The following ATP9B variants were observed in gnomAD, a reference collection of about 807,000 sequenced individuals.
ATP9B encodes probable phospholipid-transporting ATPase IIB.
A neutral mutation model predicts 146.1 loss-of-function variants in ATP9B; 110 were observed. The ratio of observed to expected loss-of-function variants is 0.75; its 90% CI spans 0.65 to 0.88. The LOEUF is 0.88. Among genes scored for constraint, ATP9B ranks in the 40% least tolerant of loss-of-function variants. The pLI is 0.00. For synonymous variants in ATP9B, 604 were observed against 569.7 expected (o/e 1.06, Z -0.86); for missense variants, 1,499 against 1,496.4 (o/e 1.00, Z -0.03).
chr18:79,149,112 A>G (rs1455904381), intron 6 of ATP9B, among the ~76,000 whole-genome samples: 1 of 152,240 alleles, frequency 6.6e-6, no homozygotes, highest in African/African-American at 2.4e-5. Context: ...ACTTAATACC[A>G]TTCCTATCAA....
chr18:79,305,054 A>G (rs2096613242), intron 14 of ATP9B, among the ~76,000 whole-genome samples: 1 of 152,114 alleles, frequency 6.6e-6, no homozygotes, highest in Non-Finnish European at 1.5e-5. Context: ...AAAAGTGTAC[A>G]CAGCCCACCC....
Position 79,232,189 on chromosome 18 carries a change from A to G in ATP9B, c.1107+18151A>G, listed in dbSNP as rs117660988. 4.4e-4 allele frequency among the ~76,000 whole-genome samples: 67 copies of G among 152,248 alleles called. No homozygotes were observed. In the East Asian group the frequency reaches 0.012, roughly 28 times the overall value. ...CCCCCTCTAGTCTTCCTGTCTCACT[A>G]ATGGCATGGGATATCATGGGGGGAG... On this transcript the variant is annotated intron_variant, in intron 11 of 29. Coordinates refer to ENST00000426216, the MANE Select transcript of ATP9B (RefSeq NM_198531.5).
chr18:79,071,413 T>TTTTTTTTTTTTTTTG (rs2071793777), intron 1 of ATP9B, among the ~76,000 whole-genome samples: 2 of 142,968 alleles, frequency 1.4e-5, no homozygotes, highest in Admixed American at 7.2e-5. Context: ...TTTTTTTTTT[T>TTTTTTTTTTTTTTTG]GAGACAGGGT....
chr18:79,165,297 C>T (rs1477545772), intron 7 of ATP9B, among the ~76,000 whole-genome samples: 1 of 152,230 alleles, frequency 6.6e-6, no homozygotes, highest in East Asian at 1.9e-4. Flanking sequence ...CCAGAGCAGG[C>T]ATTCTCACCT....
intron 8 of ATP9B, among the ~76,000 whole-genome samples, chr18:79,192,098 G>C (rs1444502537): frequency 6.6e-6 from 1 of 152,130 alleles, no homozygotes; most frequent in Non-Finnish European, 1.5e-5. Flanking sequence ...TTAGGTGTCA[G>C]AATGAGATCA....
At chr18:79,172,578 C>CGCCG (rs1410743962) in intron 7 of ATP9B, among the ~76,000 whole-genome samples, 1 of 137,978 alleles carries the variant, frequency 7.2e-6, no homozygotes, top group African/African-American at 2.7e-5. Context: ...AGCCACCGTG[C>CGCCG]GCCGACCTTG....
chr18:79,140,616 A>G lies in ATP9B; in HGVS notation c.668-3186A>G, dbSNP rs573951001. Among the ~76,000 whole-genome samples, 11 of 152,040 alleles carry G rather than the reference A, an allele frequency of 7.2e-5. No homozygotes were observed. In the South Asian group the frequency reaches 2.3e-3, roughly 32 times the overall value. On this transcript the variant is annotated intron_variant, in intron 5 of 29. Transcript: ENST00000426216. ...ATGGCAAAACCCTGTCTCTACTAAA[A>G]ATACAAAAAAAAAAATTAGCCGGGC...
intron 25 of ATP9B, chr18:79,353,429 C>A (rs1172157462): frequency 6.6e-6 from 1 of 152,330 alleles, no homozygotes; most frequent in African/African-American, 2.4e-5. Flanking sequence ...CACCAACGGC[C>A]ATCCACCAGG....
chr18:79,207,469 A>T (rs1393681775), intron 10 of ATP9B, among the ~76,000 whole-genome samples: 1 of 152,216 alleles, frequency 6.6e-6, no homozygotes, highest in Non-Finnish European at 1.5e-5. Context: ...TGAGAGGTAG[A>T]CGATGTCAGA....
chr18:79,377,008 A>G (rs1028941259), intron 29 of ATP9B, among the ~76,000 whole-genome samples: 3 of 152,170 alleles, frequency 2.0e-5, no homozygotes, highest in African/African-American at 7.2e-5. Flanking sequence ...CCTGCAATCT[A>G]TAATGCTTTG....
At chr18:79,209,285 A>T (rs892147006) in intron 10 of ATP9B, among the ~76,000 whole-genome samples, 1 of 152,256 alleles carries the variant, frequency 6.6e-6, no homozygotes, top group Non-Finnish European at 1.5e-5. Context: ...TTTTCCATAC[A>T]TAGTTATTGC....
In ATP9B at chr18:79,303,736, AC is replaced by A. The variant is rs1326281079; in HGVS notation, c.1524+21del. On this transcript the variant is annotated intron_variant, in intron 14 of 29. Transcript: ENST00000426216. ...TCACAGGTAAGTGGGTTCCTCCTGC[AC>A]GGGGTCTGCTTCCACACACATCCCG... 6.3e-7 allele frequency: 1 copy of A among 1,588,082 alleles called. No individual in the cohort carries two copies. Among genetic ancestry groups the A allele is most frequent in the Non-Finnish European group, 8.6e-7 (1 of 1,157,814 alleles).
chr18:79,328,267 T>C (rs1420922578), intron 15 of ATP9B, among the ~76,000 whole-genome samples: 5 of 152,248 alleles, frequency 3.3e-5, no homozygotes, highest in African/African-American at 7.2e-5. Flanking sequence ...CCTATTTATC[T>C]GATTAATGTC....
At chr18:79,287,252 CTCTTT>C (rs2096454212) in intron 13 of ATP9B, among the ~76,000 whole-genome samples, 2 of 152,156 alleles carry the variant, frequency 1.3e-5, no homozygotes, top group African/African-American at 4.8e-5. Context: ...TGGTCTTGGA[CTCTTT>C]TTGGTTGGTA....
At chr18:79,346,021 C>T (rs1366663451) in intron 23 of ATP9B, among the ~76,000 whole-genome samples, 182 bp downstream of exon 23, 3 of 152,116 alleles carry the variant, frequency 2.0e-5, no homozygotes, top group Admixed American at 6.5e-5. Flanking sequence ...AGCACGTGCT[C>T]AGCGCACAGT....
At chr18:79,178,295 T>C (rs2095205821) in intron 8 of ATP9B, among the ~76,000 whole-genome samples, 1 of 152,172 alleles carries the variant, frequency 6.6e-6, no homozygotes, top group Non-Finnish European at 1.5e-5. Flanking sequence ...CTTGCCGCCT[T>C]CAATGTTGTC....
At chr18:79,359,876 CCATGGGCTG>C (rs1285635287) in intron 26 of ATP9B, 4 of 209,366 alleles carry the variant, frequency 1.9e-5, no homozygotes. Flanking sequence ...GCTGGGGAAC[CCATGGGCTG>C]CATGTTTCCT....
chr18:79,270,810 A>T (rs2145558490), intron 12 of ATP9B, among the ~76,000 whole-genome samples: 1 of 152,330 alleles, frequency 6.6e-6, no homozygotes, highest in South Asian at 2.1e-4. Flanking sequence ...TGCCTGGGGA[A>T]TGAAGCCCCA....
At chr18:79,371,479 T>C (rs2097070254) in intron 26 of ATP9B, among the ~76,000 whole-genome samples, 1 of 151,274 alleles carries the variant, frequency 6.6e-6, no homozygotes, top group Non-Finnish European at 1.5e-5. Context: ...TCCGTCAGCA[T>C]CTTCACACAC....
Sources: allele counts gnomAD v4.1 joint callset (sites outside exome capture counted in the v4.1 genomes callset), GRCh38; gene constraint gnomAD v4.1.1; transcripts MANE v1.5; gene names NCBI Gene and HGNC (gene_info 2026-07-23, HGNC 2026-07-21).